The following TCF4 variants were observed in gnomAD, a reference collection of about 807,000 sequenced individuals.
TCF4 encodes the protein transcription factor 4, also known as SL3-3 enhancer factor 2.
Under a neutral mutation model 82.1 loss-of-function variants are expected in TCF4, and 3 were observed. That is an observed-to-expected ratio of 0.04 (90% CI 0.02 to 0.09). TCF4 has a LOEUF of 0.09. Ranked by LOEUF, TCF4 falls within the 10% of genes least tolerant of loss-of-function variation. The pLI, the probability that TCF4 is intolerant of heterozygous loss-of-function variation, is 1.00. For synonymous variants in TCF4, 276 were observed against 309.6 expected (o/e 0.89, Z 1.14); for missense variants, 518 against 852.7 (o/e 0.61, Z 4.89).
chr18:55,561,013 ACTT>A (rs1482116378), intron 3 of TCF4, among the ~76,000 whole-genome samples: 4 of 152,380 alleles, frequency 2.6e-5, no homozygotes, highest in East Asian at 3.9e-4. Flanking sequence ...CCCTAGCCAA[ACTT>A]TGAGTATCCC....
intron 8 of TCF4, among the ~76,000 whole-genome samples, chr18:55,342,849 A>C (rs1321602327): frequency 6.6e-6 from 1 of 152,188 alleles, no homozygotes; most frequent in Non-Finnish European, 1.5e-5. Flanking sequence ...ACTTGAAAAC[A>C]TTAATGCTAA....
chr18:55,436,343 C>T (rs771143151), intron 5 of TCF4, among the ~76,000 whole-genome samples: 10 of 152,056 alleles, frequency 6.6e-5, no homozygotes, highest in Non-Finnish European at 1.3e-4. Context: ...TTTAATTCCC[C>T]GTAAAGGTTA....
chr18:55,379,402 C>G (rs1357952095), intron 6 of TCF4, among the ~76,000 whole-genome samples: 3 of 152,140 alleles, frequency 2.0e-5, no homozygotes, highest in African/African-American at 2.4e-5. Flanking sequence ...AGGGGAGGAG[C>G]TGAAATCTCA....
At chr18:55,462,510 T>G (rs1297421402) in intron 4 of TCF4, among the ~76,000 whole-genome samples, 5 of 152,142 alleles carry the variant, frequency 3.3e-5, no homozygotes, top group African/African-American at 9.7e-5. Flanking sequence ...AAAATATAAA[T>G]TACACAAAAT....
intron 3 of TCF4, among the ~76,000 whole-genome samples, chr18:55,471,400 C>T (rs575557801): frequency 6.6e-6 from 1 of 152,284 alleles, no homozygotes; most frequent in Non-Finnish European, 1.5e-5. Flanking sequence ...GCTTCCCACA[C>T]AAATGTTAAG....
chr18:55,585,247 TTTAAC>T, intron 3 of TCF4, 28 bp downstream of exon 3: 1 of 1,593,514 alleles, frequency 6.3e-7, no homozygotes, highest in Non-Finnish European at 8.6e-7. Flanking sequence ...GCCCAGAACA[TTTAAC>T]TTAACACTAA....
intron 12 of TCF4, among the ~76,000 whole-genome samples, 154 bp from the exon 13 acceptor site, chr18:55,260,181 G>A (rs1181562992): frequency 6.6e-6 from 1 of 152,108 alleles, no homozygotes; most frequent in East Asian, 1.9e-4. Flanking sequence ...GTCAAATGAA[G>A]AACTTAACAA....
chr18:55,380,666 A>G, intron 6 of TCF4, among the ~76,000 whole-genome samples: 1 of 152,242 alleles, frequency 6.6e-6, no homozygotes, highest in East Asian at 1.9e-4. Flanking sequence ...TCAGTTCCGT[A>G]TCCTGCAGTG....
chr18:55,451,117 T>C (rs1183068755), intron 5 of TCF4, among the ~76,000 whole-genome samples: 1 of 152,210 alleles, frequency 6.6e-6, no homozygotes, highest in Admixed American at 6.5e-5. Flanking sequence ...CATTCTATAC[T>C]ACCTCCACCT....
chr18:55,270,008 T>A lies in TCF4; in HGVS notation c.790-45A>T, dbSNP rs751741834. ...AAGGTGGCCATATTTAATCATAAGGTATTTAGTGAGTTATTTTCAAATACT... is the reference window on the plus strand; with the variant it reads ...AAGGTGGCCATATTTAATCATAAGGAATTTAGTGAGTTATTTTCAAATACT... On this transcript the variant is annotated intron_variant, in intron 10 of 19. Coordinates refer to ENST00000354452, the MANE Select transcript of TCF4 (RefSeq NM_001083962.2). 2.2e-4 allele frequency: 349 copies of A among 1,610,076 alleles called. 1 individual carries two copies. The highest frequency in any genetic ancestry group is 2.3e-4 in the Non-Finnish European group (268 of 1,177,368).
chr18:55,453,245 C>CT (rs376042087), intron 5 of TCF4, among the ~76,000 whole-genome samples: 11 of 151,812 alleles, frequency 7.2e-5, no homozygotes, highest in African/African-American at 2.7e-4. Context: ...CTGTGACCCC[C>CT]ATCTTTAGAC....
chr18:55,462,753 G>C (rs2095894588), intron 4 of TCF4, among the ~76,000 whole-genome samples: 2 of 152,110 alleles, frequency 1.3e-5, no homozygotes, highest in Non-Finnish European at 2.9e-5. Context: ...TGCTGTCAAG[G>C]GGAATGGATT....
chr18:55,376,273 G>A (rs1220498213), intron 6 of TCF4, among the ~76,000 whole-genome samples: 1 of 151,988 alleles, frequency 6.6e-6, no homozygotes, highest in Admixed American at 6.6e-5. Context: ...AGATCTGCCT[G>A]CCTCGGCCTC....
chr18:55,477,372 C>T (rs376537204), intron 3 of TCF4, among the ~76,000 whole-genome samples: 6 of 152,208 alleles, frequency 3.9e-5, no homozygotes, highest in African/African-American at 1.2e-4. Context: ...CATGCTATTA[C>T]GATTACCTGT....
intron 9 of TCF4, among the ~76,000 whole-genome samples, chr18:55,276,256 GAATTAT>G (rs1407939226): frequency 2.6e-5 from 4 of 152,070 alleles, no homozygotes; most frequent in Non-Finnish European, 5.9e-5. Context: ...ATTAAAGTTG[GAATTAT>G]AATTATATTA....
intron 5 of TCF4, among the ~76,000 whole-genome samples, chr18:55,456,972 T>C (rs2095769359): frequency 6.6e-6 from 1 of 152,194 alleles, no homozygotes; most frequent in South Asian, 2.1e-4. Context: ...AATGATTTAT[T>C]TTCTCCAGAT....
At chr18:55,448,972 C>T (rs994365619) in intron 5 of TCF4, among the ~76,000 whole-genome samples, 19 of 152,296 alleles carry the variant, frequency 1.2e-4, no homozygotes, top group African/African-American at 4.3e-4. Flanking sequence ...GGTGTTCAAA[C>T]TATACCTACG....
At chr18:55,483,702 G>A (rs1031083496) in intron 3 of TCF4, among the ~76,000 whole-genome samples, 2 of 152,210 alleles carry the variant, frequency 1.3e-5, no homozygotes, top group Non-Finnish European at 2.9e-5. Flanking sequence ...GAAAACAACT[G>A]TTACCTCTAC....
intron 6 of TCF4, among the ~76,000 whole-genome samples, chr18:55,396,027 C>T (rs562828623): frequency 2.6e-5 from 4 of 152,128 alleles, no homozygotes; most frequent in East Asian, 1.9e-4. Flanking sequence ...TAACCCTGAA[C>T]GGAGCTGAGT....
Sources: gnomAD v4.1 joint callset for allele counts (sites outside exome capture counted in the v4.1 genomes callset) on GRCh38, gnomAD v4.1.1 for gene constraint, MANE v1.5 for transcripts, NCBI Gene and HGNC (gene_info 2026-07-23, HGNC 2026-07-21) for gene names.